Variants in CNTN3 observed in about 807,000 individuals in gnomAD.
The protein encoded by CNTN3 is contactin 3, also known as contactin-3.
A neutral mutation model predicts 119.1 loss-of-function variants in CNTN3; 60 were observed. That is an observed-to-expected ratio of 0.50 (90% CI 0.41 to 0.62). The LOEUF is 0.62. Among genes scored for constraint, CNTN3 ranks in the 20% least tolerant of loss-of-function variants. The pLI is 0.00. For synonymous variants in CNTN3, 450 were observed against 438.7 expected, an observed-to-expected ratio of 1.03 and a Z score of -0.32; for missense variants, 1,101 against 1,242.4, an observed-to-expected ratio of 0.89 and a Z score of 1.71.
intron 11 of CNTN3, among the ~76,000 whole-genome samples, chr3:74,347,329 A>G (rs1703715819): frequency 6.6e-6 from 1 of 151,554 alleles, no homozygotes; most frequent in Non-Finnish European, 1.5e-5. Context: ...GCAACCTCCA[A>G]TTCATGGGTT....
At chr3:74,445,798 T>A in intron 4 of CNTN3, among the ~76,000 whole-genome samples, 1 of 152,274 alleles carries the variant, frequency 6.6e-6, no homozygotes, top group African/African-American at 2.4e-5. Context: ...ACATTCTTCA[T>A]TGGTGTTTAA....
chr3:74,411,471 T>C (rs1053092882), intron 5 of CNTN3, among the ~76,000 whole-genome samples: 3 of 152,180 alleles, frequency 2.0e-5, no homozygotes, highest in African/African-American at 7.2e-5. Context: ...TGCTGGATTA[T>C]TCCTCTTTGA....
chr3:74,302,242 T>C (rs1295599577), intron 14 of CNTN3, among the ~76,000 whole-genome samples: 2 of 152,230 alleles, frequency 1.3e-5, no homozygotes, highest in African/African-American at 4.8e-5. Flanking sequence ...TTCAGCCCAG[T>C]AGCAAATCAG....
chr3:74,334,830 G>A lies in CNTN3; in HGVS notation c.1573C>T (p.His525Tyr). The A allele has an allele frequency of 6.2e-7, 1 of 1,613,320 alleles. No homozygotes were observed. The highest frequency in any genetic ancestry group is 8.5e-7 in the Non-Finnish European group (1 of 1,179,394). The change falls in exon 13 of 23, where the codon CAT becomes TAT. Residue 525 changes from histidine to tyrosine, a missense_variant. Transcript: ENST00000263665. ...ESVILPCQVQ[H>Y]DPLLDIIFTW... ...AAGATGATGTCTAACAGCGGGTCAT[G>A]TTGTACCTGGCAGGGCAATATGACG...
intron 1 of CNTN3, among the ~76,000 whole-genome samples, chr3:74,553,836 G>C (rs1013119173): frequency 6.6e-6 from 1 of 152,082 alleles, no homozygotes; most frequent in Non-Finnish European, 1.5e-5. Flanking sequence ...CAGATGGATA[G>C]ATTGCAAAAA....
intron 4 of CNTN3, among the ~76,000 whole-genome samples, chr3:74,471,371 C>G (rs1378378929): frequency 2.6e-5 from 4 of 152,058 alleles, no homozygotes; most frequent in Non-Finnish European, 4.4e-5. Context: ...CTCCACATTC[C>G]CCACATGCCA....
rs1357835612 is a variant in CNTN3 at position 74,521,145 on chromosome 3, C to T, written c.-33G>A. The stretch of plus-strand genomic sequence containing the variant: ...TGCCAAATGCAAGAGTAACTCTTGT[C>T]CAGTCTCTGATGAATAGAATGCTTT... On this transcript the variant is annotated 5_prime_UTR_variant, in exon 2 of 23. Coordinates refer to ENST00000263665, the MANE Select transcript of CNTN3 (RefSeq NM_020872.3). The T allele has an allele frequency of 2.8e-6, 4 of 1,411,966 alleles. No individual in the cohort carries two copies. The South Asian group carries it at 3.6e-5, about 13-fold the overall frequency. 87.5% of individuals were successfully genotyped at this position (1,411,966 alleles called of 1,614,324 possible). A position where few individuals can be genotyped will look rare whatever the true frequency, so the allele number is the denominator to read the frequency against.
intron 5 of CNTN3, among the ~76,000 whole-genome samples, chr3:74,384,098 C>T (rs1704687967): frequency 6.6e-6 from 1 of 152,118 alleles, no homozygotes; most frequent in Admixed American, 6.6e-5. Context: ...TTACAGTTAT[C>T]CCTAGGCTGT....
intron 5 of CNTN3, among the ~76,000 whole-genome samples, chr3:74,421,355 A>G (rs565453400): frequency 6.6e-6 from 1 of 151,986 alleles, no homozygotes; most frequent in East Asian, 1.9e-4. Flanking sequence ...TTTTGGGTAG[A>G]GGTGGGGTTT....
chr3:74,502,081 T>C (rs1286536483), intron 2 of CNTN3, among the ~76,000 whole-genome samples: 1 of 152,182 alleles, frequency 6.6e-6, no homozygotes, highest in Non-Finnish European at 1.5e-5. Flanking sequence ...TGTAATAGCT[T>C]CTGATTTACT....
intron 5 of CNTN3, among the ~76,000 whole-genome samples, chr3:74,407,866 G>C (rs1701361775): frequency 6.6e-6 from 1 of 152,174 alleles, no homozygotes; most frequent in African/African-American, 2.4e-5. Flanking sequence ...TTTTGATAAA[G>C]TATCAGAACT....
chr3:74,343,000 A>G (rs541485053), intron 11 of CNTN3, among the ~76,000 whole-genome samples: 1 of 152,344 alleles, frequency 6.6e-6, no homozygotes, highest in African/African-American at 2.4e-5. Context: ...ATATTAAAAG[A>G]AAACTTCAAA....
At chr3:74,550,203 G>A (rs944570227) in intron 1 of CNTN3, among the ~76,000 whole-genome samples, 5 of 152,196 alleles carry the variant, frequency 3.3e-5, no homozygotes, top group African/African-American at 1.2e-4. Context: ...GATGCTGCAA[G>A]AAAGCAGTGA....
chr3:74,272,483 CA>C (rs1379426419), intron 20 of CNTN3, among the ~76,000 whole-genome samples: 2 of 152,056 alleles, frequency 1.3e-5, no homozygotes, highest in African/African-American at 2.4e-5. Context: ...TCAGAGCTTA[CA>C]AAACTAGGAA....
At chr3:74,361,831 G>C (rs1704079310) in intron 11 of CNTN3, 59 bp downstream of exon 11, 1 of 1,502,056 alleles carries the variant, frequency 6.7e-7, no homozygotes, top group Non-Finnish European at 9.0e-7. Context: ...AACCTATGTT[G>C]ACATCAGTAT....
chr3:74,440,376 T>C (rs1701942135), intron 4 of CNTN3, among the ~76,000 whole-genome samples: 1 of 152,142 alleles, frequency 6.6e-6, no homozygotes, highest in Non-Finnish European at 1.5e-5. Flanking sequence ...TATATGTCCA[T>C]TGGTGGGAGA....
chr3:74,456,253 A>ATT (rs1702267522), intron 4 of CNTN3, among the ~76,000 whole-genome samples: 2 of 152,136 alleles, frequency 1.3e-5, no homozygotes, highest in African/African-American at 2.4e-5. Flanking sequence ...AAAAAAAAAG[A>ATT]AAAAAGCAAT....
chr3:74,481,460 A>C (rs1214859387), intron 4 of CNTN3, among the ~76,000 whole-genome samples: 1 of 151,828 alleles, frequency 6.6e-6, no homozygotes, highest in Non-Finnish European at 1.5e-5. Context: ...GACTAGTAAA[A>C]CTCCACATGT....
intron 4 of CNTN3, among the ~76,000 whole-genome samples, chr3:74,457,412 G>A (rs1418547991): frequency 2.0e-5 from 3 of 151,870 alleles, no homozygotes; most frequent in African/African-American, 4.8e-5. Flanking sequence ...TGTGCCTAAG[G>A]AAAATTACCT....
Sources: allele counts gnomAD v4.1 joint callset (sites outside exome capture counted in the v4.1 genomes callset), GRCh38; gene constraint gnomAD v4.1.1; transcripts MANE v1.5; gene names NCBI Gene and HGNC (gene_info 2026-07-23, HGNC 2026-07-21).